Variants in FBXL13 observed in about 807,000 individuals in gnomAD.
FBXL13 encodes F-box and leucine-rich repeat protein 13.
Under a neutral mutation model 83.6 loss-of-function variants are expected in FBXL13, and 67 were observed. The ratio of observed to expected loss-of-function variants is 0.80; its 90% CI spans 0.66 to 0.98. The LOEUF is 0.98. Among genes scored for constraint, FBXL13 ranks in the 50% least tolerant of loss-of-function variants. FBXL13 has a pLI of 0.00. For synonymous variants in FBXL13, 272 were observed against 299.5 expected, an observed-to-expected ratio of 0.91 and a Z score of 0.95; for missense variants, 822 against 866.5, an observed-to-expected ratio of 0.95 and a Z score of 0.64.
intron 8 of FBXL13, among the ~76,000 whole-genome samples, chr7:102,951,673 T>C (rs1823430139): frequency 6.6e-6 from 1 of 150,744 alleles, no homozygotes; most frequent in Non-Finnish European, 1.5e-5. Context: ...ATTAGCCAGG[T>C]GTGGCCACCT....
At chr7:102,899,356 G>A (rs1016804802) in intron 11 of FBXL13, among the ~76,000 whole-genome samples, 6 of 152,166 alleles carry the variant, frequency 3.9e-5, no homozygotes, top group South Asian at 2.1e-4. Context: ...GTCTTCAATC[G>A]CAAGTCCAGT....
chr7:102,898,509 G>T (rs1812556029), intron 11 of FBXL13, among the ~76,000 whole-genome samples: 1 of 152,048 alleles, frequency 6.6e-6, no homozygotes, highest in Non-Finnish European at 1.5e-5. Flanking sequence ...GCTCAGGCTG[G>T]TCTTGGACTC....
chr7:103,022,649 C>T (rs945858074), intron 6 of FBXL13, among the ~76,000 whole-genome samples: 2 of 152,124 alleles, frequency 1.3e-5, no homozygotes, highest in South Asian at 2.1e-4. Context: ...GGACCACTTC[C>T]TTACACCATA....
intron 1 of FBXL13, among the ~76,000 whole-genome samples, chr7:103,072,354 A>G (rs1799046898): frequency 6.6e-6 from 1 of 152,140 alleles, no homozygotes; most frequent in Admixed American, 6.5e-5. Flanking sequence ...ACTTCCTGCT[A>G]GTGTGCTAGC....
intron 2 of FBXL13, among the ~76,000 whole-genome samples, chr7:103,053,339 G>A (rs1367140263): frequency 6.6e-6 from 1 of 151,634 alleles, no homozygotes; most frequent in African/African-American, 2.4e-5. Flanking sequence ...TTTTAGTAGA[G>A]ACAGGGTTTC....
intron 19 of FBXL13, among the ~76,000 whole-genome samples, chr7:102,821,105 A>G (rs1387651758): frequency 6.6e-6 from 1 of 152,222 alleles, no homozygotes; most frequent in Non-Finnish European, 1.5e-5. Flanking sequence ...ATCTTGCTGA[A>G]AGTTGTCTGT....
intron 8 of FBXL13, chr7:102,944,415 CA>C (rs1366006623): frequency 6.2e-7 from 1 of 1,613,842 alleles, no homozygotes; most frequent in South Asian, 1.1e-5. Flanking sequence ...GCCTGGAATG[CA>C]AAACGCCTGA....
intron 6 of FBXL13, among the ~76,000 whole-genome samples, chr7:102,985,037 T>C (rs1387844468): frequency 6.6e-6 from 1 of 152,356 alleles, no homozygotes; most frequent in Non-Finnish European, 1.5e-5. Flanking sequence ...GGTCCTGCAT[T>C]GCTTGTGCTG....
At chr7:102,943,027 A>C (rs1413024685) in intron 8 of FBXL13, among the ~76,000 whole-genome samples, 1 of 152,024 alleles carries the variant, frequency 6.6e-6, no homozygotes, top group Non-Finnish European at 1.5e-5. Context: ...TATTGGTTTT[A>C]ATTATCCAGC....
chr7:102,982,124 C>T (rs1563183361), intron 6 of FBXL13, among the ~76,000 whole-genome samples: 2 of 152,232 alleles, frequency 1.3e-5, no homozygotes, highest in South Asian at 2.1e-4. Context: ...CCACCCAACA[C>T]AGTAATTCCC....
rs373474535 is a variant in FBXL13 at position 102,854,792 on chromosome 7, A to G, written c.1704T>C (p.Thr568=). ...ATGATCTTACCTGAATTCCATCATCAGTGATTCTATAACATTCAGATACAG... is the reference window on the plus strand; with the variant it reads ...ATGATCTTACCTGAATTCCATCATCGGTGATTCTATAACATTCAGATACAG... The change falls in exon 17 of 20, where the codon ACT becomes ACC. Residue 568 remains threonine, a synonymous_variant. Transcript: ENST00000313221. The G allele has an allele frequency of 3.8e-6, 6 of 1,580,984 alleles. No homozygotes were observed. The African/African-American group carries it at 8.1e-5, about 21-fold the overall frequency.
chr7:102,868,947 C>T (rs1808145162), intron 16 of FBXL13, among the ~76,000 whole-genome samples: 1 of 152,236 alleles, frequency 6.6e-6, no homozygotes. Context: ...GGATTGCAGG[C>T]ATGAACCTCT....
At chr7:102,836,759 G>A (rs897807670) in intron 17 of FBXL13, among the ~76,000 whole-genome samples, 2 of 152,188 alleles carry the variant, frequency 1.3e-5, no homozygotes, top group African/African-American at 2.4e-5. Context: ...AATAGGGTAC[G>A]TAGAGGAGAC....
intron 11 of FBXL13, among the ~76,000 whole-genome samples, chr7:102,895,039 A>G (rs1812093283): frequency 6.6e-6 from 1 of 152,224 alleles, no homozygotes; most frequent in African/African-American, 2.4e-5. Flanking sequence ...ATACAGATAC[A>G]CAATTATATA....
intron 6 of FBXL13, among the ~76,000 whole-genome samples, chr7:102,995,169 T>G (rs1829964111): frequency 6.6e-6 from 1 of 152,074 alleles, no homozygotes; most frequent in South Asian, 2.1e-4. Flanking sequence ...TGGGGGAAGC[T>G]GGGGTGAGAG....
At chr7:103,069,509 C>A (rs1377679951) in intron 1 of FBXL13, among the ~76,000 whole-genome samples, 4 of 152,210 alleles carry the variant, frequency 2.6e-5, no homozygotes, top group African/African-American at 9.7e-5. Context: ...AGAACCAAAT[C>A]TCTCACAATC....
rs577409903 is a variant in FBXL13 at position 102,999,114 on chromosome 7, GT to G, written c.495+25948del. ...TCCTTCTATACCCAAATTGTTGAGG[GT>G]TTTTTTTTTATCATAAAAGCATGTT... On this transcript the variant is annotated intron_variant, in intron 6 of 19. Coordinates refer to ENST00000313221, the Ensembl canonical transcript of FBXL13. Among the ~76,000 whole-genome samples, 520 of 147,264 alleles carry G rather than the reference GT, an allele frequency of 3.5e-3. 3 individuals carry two copies. The highest frequency in any genetic ancestry group is 0.011 in the African/African-American group (455 of 40,302).
intron 19 of FBXL13, chr7:102,814,554 A>C (rs1797733821): frequency 1.3e-5 from 2 of 152,244 alleles, no homozygotes; most frequent in Non-Finnish European, 2.9e-5. Context: ...CAAACTTAAC[A>C]GGGAGGTAAC....
chr7:102,896,178 C>T (rs922312504), intron 11 of FBXL13, among the ~76,000 whole-genome samples: 6 of 152,148 alleles, frequency 3.9e-5, no homozygotes, highest in Admixed American at 6.5e-5. Flanking sequence ...CCTTGTAGGT[C>T]CTTCCAAGGC....
Sources: gnomAD v4.1 joint callset for allele counts (sites outside exome capture counted in the v4.1 genomes callset) on GRCh38, gnomAD v4.1.1 for gene constraint, MANE v1.5 for transcripts, NCBI Gene and HGNC (gene_info 2026-07-23, HGNC 2026-07-21) for gene names.